The following STK31 variants were observed in gnomAD, a reference collection of about 807,000 sequenced individuals.
STK31 encodes the protein serine/threonine-protein kinase 31.
STK31 carries 89 observed loss-of-function variants against 129.7 expected under a neutral mutation model. That is an observed-to-expected ratio of 0.69 (90% CI 0.58 to 0.82). The LOEUF (loss-of-function observed/expected upper bound fraction) is 0.82. STK31 is among the 40% of genes least tolerant of loss of function. The pLI is 0.00. For synonymous variants in STK31, 448 were observed against 395.3 expected (o/e 1.13, Z -1.58); for missense variants, 1,187 against 1,176.4 (o/e 1.01, Z -0.13).
chr7:23,813,326 G>A (rs917481157), intron 22 of STK31, among the ~76,000 whole-genome samples: 8 of 151,926 alleles, frequency 5.3e-5, no homozygotes, highest in Non-Finnish European at 1.0e-4. Flanking sequence ...GTTTGTTGAA[G>A]CATTTTATGA....
intron 22 of STK31, among the ~76,000 whole-genome samples, chr7:23,808,065 A>G (rs73084773): frequency 7.5e-4 from 113 of 150,970 alleles, no homozygotes; most frequent in Non-Finnish European, 1.1e-3. Context: ...TCAAGTTGAG[A>G]TTATTCTGGT....
At chr7:23,769,338 T>C (rs2128102849) in intron 12 of STK31, among the ~76,000 whole-genome samples, 164 bp downstream of exon 12, 1 of 152,328 alleles carries the variant, frequency 6.6e-6, no homozygotes, top group Non-Finnish European at 1.5e-5. Context: ...TTAGTCAGAT[T>C]GCTCCTTTTA....
chr7:23,798,601 C>G (rs1792157438), intron 22 of STK31, among the ~76,000 whole-genome samples: 3 of 152,102 alleles, frequency 2.0e-5, no homozygotes, highest in African/African-American at 7.2e-5. Context: ...GAATGTATTT[C>G]AAAATAATAA....
intron 17 of STK31, among the ~76,000 whole-genome samples, chr7:23,784,002 T>C (rs12700465): frequency 0.2 from 30,390 of 152,048 alleles, 3,128 homozygotes; most frequent in African/African-American, 0.23. Flanking sequence ...AAGATATTGC[T>C]AGCCCTGAGG....
Position 23,785,617 on chromosome 7 carries a change from C to G in STK31, c.2274+14C>G. 6.2e-7 allele frequency: 1 copy of G among 1,606,066 alleles called. No individual in the cohort carries two copies. The highest frequency in any genetic ancestry group is 8.5e-7 in the Non-Finnish European group (1 of 1,174,532). ...ATTCTGTTAAAGGTAAGTCTAACTT[C>G]TTCTTACTTGTGGGAGATTCAGCAG... On this transcript the variant is annotated intron_variant, in intron 18 of 23. Transcript: ENST00000355870.
At chr7:23,828,187 C>A (rs1013220945) in intron 23 of STK31, among the ~76,000 whole-genome samples, 1 of 152,174 alleles carries the variant, frequency 6.6e-6, no homozygotes, top group South Asian at 2.1e-4. Context: ...GCCCTGCCCC[C>A]AGAGGTGGAG....
chr7:23,735,955 A>G lies in STK31; in HGVS notation c.842+59A>G, dbSNP rs1389459828. 4.4e-6 allele frequency: 6 copies of G among 1,377,872 alleles called. No individual in the cohort carries two copies. The East Asian group carries it at 1.4e-4, about 32-fold the overall frequency. 85.4% of individuals were successfully genotyped at this position (1,377,872 alleles called of 1,614,324 possible). On this transcript the variant is annotated intron_variant, in intron 7 of 23. Transcript: ENST00000355870. ...TGGTAGAGGTCCCTGTCATAGTAGAATAGAAGTTAAGGCTTATGCTTTTGG... is the reference window on the plus strand; with the variant it reads ...TGGTAGAGGTCCCTGTCATAGTAGAGTAGAAGTTAAGGCTTATGCTTTTGG...
At chr7:23,787,188 C>A (rs988008889) in intron 20 of STK31, among the ~76,000 whole-genome samples, 4 of 152,140 alleles carry the variant, frequency 2.6e-5, no homozygotes, top group Admixed American at 2.6e-4. Flanking sequence ...GTTCCAAAGC[C>A]CAAACTTACA....
At chr7:23,742,166 G>A (rs1037343468) in intron 8 of STK31, among the ~76,000 whole-genome samples, 1 of 152,228 alleles carries the variant, frequency 6.6e-6, no homozygotes, top group East Asian at 1.9e-4. Context: ...CAGGCCAAGG[G>A]CAGGACTCAG....
chr7:23,710,728 G>A, intron 1 of STK31: 1 of 1,063,730 alleles, frequency 9.4e-7, no homozygotes, highest in Non-Finnish European at 1.1e-6. Flanking sequence ...TGTGATCTCT[G>A]TTTGCAGAAA....
intron 8 of STK31, among the ~76,000 whole-genome samples, chr7:23,741,945 A>C (rs897598570): frequency 6.6e-6 from 1 of 152,240 alleles, no homozygotes; most frequent in African/African-American, 2.4e-5. Context: ...AAACTCTCCA[A>C]GTGACACTTT....
intron 23 of STK31, 73 bp downstream of exon 23, chr7:23,815,285 T>G (rs776333853): frequency 9.1e-7 from 1 of 1,095,728 alleles, no homozygotes. Flanking sequence ...TGACTGAAAG[T>G]TGTCCTCCAG....
chr7:23,830,787 T>C (rs1794499256), intron 23 of STK31, among the ~76,000 whole-genome samples: 1 of 152,120 alleles, frequency 6.6e-6, no homozygotes, highest in South Asian at 2.1e-4. Context: ...ACTCATCTAA[T>C]GTTTGTATTT....
At chr7:23,813,700 G>A (rs2128126753) in intron 22 of STK31, among the ~76,000 whole-genome samples, 1 of 152,304 alleles carries the variant, frequency 6.6e-6, no homozygotes, top group Non-Finnish European at 1.5e-5. Context: ...ACTTTTCAAG[G>A]CTGAACTGCC....
chr7:23,808,727 A>G (rs768419934), intron 22 of STK31, among the ~76,000 whole-genome samples: 17 of 152,116 alleles, frequency 1.1e-4, no homozygotes, highest in Non-Finnish European at 1.8e-4. Context: ...TAGTGGAGGA[A>G]GCAAAGGGAT....
chr7:23,801,886 G>A lies in STK31; in HGVS notation c.2760+10940G>A, dbSNP rs574435558. ...CTGTTTGTGGACTCTTTCTGCTGTT[G>A]ATCTGTGTGTCTATCCGTTTACCAA... On this transcript the variant is annotated intron_variant, in intron 22 of 23. Coordinates refer to ENST00000355870, the MANE Select transcript of STK31 (RefSeq NM_031414.5). 4.6e-5 allele frequency among the ~76,000 whole-genome samples: 7 copies of A among 152,176 alleles called. No individual in the cohort carries two copies. The East Asian group carries it at 1.2e-3, about 25-fold the overall frequency.
intron 6 of STK31, among the ~76,000 whole-genome samples, chr7:23,733,969 C>A (rs1371318171): frequency 6.6e-6 from 1 of 152,142 alleles, no homozygotes; most frequent in African/African-American, 2.4e-5. Context: ...ATTCCTACAT[C>A]GGTCTCAATT....
intron 6 of STK31, among the ~76,000 whole-genome samples, chr7:23,733,850 A>T (rs1787572048): frequency 3.3e-5 from 5 of 151,986 alleles, no homozygotes; most frequent in Admixed American, 2.6e-4. Context: ...CAATGAAATA[A>T]TTTTTTTTGT....
In STK31 at chr7:23,816,800, C is replaced by A. The variant is rs920692050; in HGVS notation, c.2829+1588C>A. On this transcript the variant is annotated intron_variant, in intron 23 of 23. Transcript: ENST00000355870. ...GTTTTTGATAGTATTCTCTCTAAAG[C>A]AATTCTCTAGGTCCAAGAGGAAAGA... Among the ~76,000 whole-genome samples, 10 of 152,282 alleles carry A rather than the reference C, an allele frequency of 6.6e-5. No homozygotes were observed. The South Asian group carries it at 8.3e-4, about 13-fold the overall frequency.
Sources: allele counts gnomAD v4.1 joint callset (sites outside exome capture counted in the v4.1 genomes callset), GRCh38; gene constraint gnomAD v4.1.1; transcripts MANE v1.5; gene names NCBI Gene and HGNC (gene_info 2026-07-23, HGNC 2026-07-21).